The following DENND1A variants were observed in gnomAD, a reference collection of about 807,000 sequenced individuals.
DENND1A encodes DENN domain-containing protein 1A.
Under a neutral mutation model 113.7 loss-of-function variants are expected in DENND1A, and 51 were observed. The observed-to-expected ratio is 0.45, with a 90% CI of 0.36 to 0.57. DENND1A has a LOEUF of 0.57. DENND1A is among the 20% of genes least tolerant of loss of function. DENND1A has a pLI of 0.00. For missense variants in DENND1A, 1,258 were observed against 1,395.9 expected, an observed-to-expected ratio of 0.90 and a Z score of 1.57; for synonymous variants, 565 against 570.8, an observed-to-expected ratio of 0.99 and a Z score of 0.14.
chr9:123,411,020 G>A (rs1056719158), intron 20 of DENND1A, among the ~76,000 whole-genome samples: 3 of 151,528 alleles, frequency 2.0e-5, no homozygotes, highest in Admixed American at 6.6e-5. Flanking sequence ...GATCTCTCTC[G>A]CCCTCCCACC....
At chr9:123,616,713 A>G (rs1036124326) in intron 10 of DENND1A, among the ~76,000 whole-genome samples, 1 of 152,186 alleles carries the variant, frequency 6.6e-6, no homozygotes, top group Admixed American at 6.5e-5. Context: ...TGTGGTGTCC[A>G]CAGGAGAAAA....
intron 13 of DENND1A, among the ~76,000 whole-genome samples, chr9:123,475,339 A>G (rs2049817029): frequency 6.6e-6 from 1 of 152,210 alleles, no homozygotes; most frequent in Non-Finnish European, 1.5e-5. Flanking sequence ...TTTAAAAGAA[A>G]CAACGAACAT....
chr9:123,909,467 A>G (rs1310380734), intron 1 of DENND1A, among the ~76,000 whole-genome samples: 1 of 151,842 alleles, frequency 6.6e-6, no homozygotes, highest in Non-Finnish European at 1.5e-5. Flanking sequence ...AGATGCAGAA[A>G]AGGCATTTGG....
At chr9:123,816,137 G>A (rs1361677075) in intron 2 of DENND1A, among the ~76,000 whole-genome samples, 5 of 151,754 alleles carry the variant, frequency 3.3e-5, no homozygotes, top group Non-Finnish European at 7.4e-5. Context: ...AGTAGCTGGG[G>A]CCAAAGGCTT....
chr9:123,639,440 C>T (rs2061904340), intron 9 of DENND1A, among the ~76,000 whole-genome samples: 1 of 141,802 alleles, frequency 7.1e-6, no homozygotes, highest in Non-Finnish European at 1.5e-5. Context: ...CTCCGTATCC[C>T]CCCAACCCCC....
intron 13 of DENND1A, among the ~76,000 whole-genome samples, chr9:123,508,918 C>G (rs1484596294): frequency 1.3e-5 from 2 of 152,244 alleles, no homozygotes; most frequent in Non-Finnish European, 1.5e-5. Flanking sequence ...ATATCTCACA[C>G]TCTGTGTGCA....
chr9:123,400,235 T>C (rs1187363897), intron 21 of DENND1A: 1 of 152,274 alleles, frequency 6.6e-6, no homozygotes, highest in Admixed American at 6.5e-5. Flanking sequence ...AGGAAACCTA[T>C]CATTGATTCA....
intron 10 of DENND1A, among the ~76,000 whole-genome samples, chr9:123,622,570 T>G (rs1006368886): frequency 2.0e-5 from 3 of 152,216 alleles, no homozygotes; most frequent in Non-Finnish European, 4.4e-5. Flanking sequence ...ATCTCGGTGA[T>G]GGGCACAATT....
chr9:123,674,353 C>A (rs1435712764), intron 6 of DENND1A, among the ~76,000 whole-genome samples: 5 of 102,064 alleles, frequency 4.9e-5, no homozygotes, highest in Non-Finnish European at 9.9e-5. Context: ...CACACACACA[C>A]ACACACACAC....
At chr9:123,927,180 T>G (rs1017226277) in intron 1 of DENND1A, among the ~76,000 whole-genome samples, 8 of 152,216 alleles carry the variant, frequency 5.3e-5, no homozygotes, top group Non-Finnish European at 8.8e-5. Context: ...AGGCTTAAAC[T>G]TAAAAGAGAA....
chr9:123,419,094 C>T (rs1002595921), intron 19 of DENND1A, among the ~76,000 whole-genome samples: 3 of 152,244 alleles, frequency 2.0e-5, no homozygotes, highest in South Asian at 2.1e-4. Flanking sequence ...AGACCCCAAC[C>T]GAGGAGCGGT....
chr9:123,553,426 G>A (rs2057242171), intron 13 of DENND1A, among the ~76,000 whole-genome samples: 2 of 138,108 alleles, frequency 1.4e-5, no homozygotes, highest in Admixed American at 1.5e-4. Flanking sequence ...TCATCCCTCC[G>A]TGATTCTGAT....
intron 5 of DENND1A, among the ~76,000 whole-genome samples, chr9:123,678,097 C>T (rs560908819): frequency 1.3e-5 from 2 of 152,192 alleles, no homozygotes; most frequent in Non-Finnish European, 2.9e-5. Context: ...CTTTTCTGTG[C>T]TGCCCTGGTC....
intron 5 of DENND1A, among the ~76,000 whole-genome samples, chr9:123,726,176 T>G (rs2067693381): frequency 6.6e-6 from 1 of 152,228 alleles, no homozygotes; most frequent in Non-Finnish European, 1.5e-5. Context: ...ATGGGCAACC[T>G]TTATTAATGG....
intron 3 of DENND1A, among the ~76,000 whole-genome samples, chr9:123,791,333 G>A (rs747853214): frequency 5.3e-5 from 8 of 152,186 alleles, no homozygotes; most frequent in East Asian, 1.9e-4. Flanking sequence ...CTTGGATTGC[G>A]TAGTTTGAAT....
intron 5 of DENND1A, among the ~76,000 whole-genome samples, chr9:123,684,689 TCCAGTCCA>T (rs2064695412): frequency 6.6e-6 from 1 of 152,228 alleles, no homozygotes; most frequent in South Asian, 2.1e-4. Flanking sequence ...CTGAGACGTT[TCCAGTCCA>T]AACATCACAC....
At chr9:123,604,136 C>A (rs2060047321) in intron 11 of DENND1A, among the ~76,000 whole-genome samples, 1 of 152,204 alleles carries the variant, frequency 6.6e-6, no homozygotes, top group Non-Finnish European at 1.5e-5. Context: ...CTGGGCCTGG[C>A]CTGCTTACCT....
intron 2 of DENND1A, among the ~76,000 whole-genome samples, chr9:123,864,006 C>G (rs1235763582): frequency 5.4e-5 from 8 of 147,526 alleles, no homozygotes; most frequent in African/African-American, 1.2e-4. Flanking sequence ...AAAAAACACA[C>G]AGAAAATCAT....
intron 12 of DENND1A, among the ~76,000 whole-genome samples, chr9:123,582,261 T>C (rs971386662): frequency 2.6e-5 from 4 of 152,122 alleles, no homozygotes; most frequent in African/African-American, 9.7e-5. Flanking sequence ...TCTCTAGAGG[T>C]GGCAGCGTGC....
Sources: gnomAD v4.1 joint callset for allele counts (sites outside exome capture counted in the v4.1 genomes callset) on GRCh38, gnomAD v4.1.1 for gene constraint, MANE v1.5 for transcripts, NCBI Gene and HGNC (gene_info 2026-07-23, HGNC 2026-07-21) for gene names.